Variants in AHNAK2 observed in about 807,000 individuals in gnomAD.
AHNAK2 encodes the protein AHNAK nucleoprotein 2, also known as protein AHNAK2.
AHNAK2 carries 18 observed loss-of-function variants against 30.7 expected under a neutral mutation model. That is an observed-to-expected ratio of 0.59 (90% CI 0.41 to 0.87). The LOEUF (loss-of-function observed/expected upper bound fraction) is 0.87. AHNAK2 is among the 40% of genes least tolerant of loss of function. AHNAK2 has a pLI of 0.00. For synonymous variants in AHNAK2, 3,590 were observed against 3,073.8 expected (o/e 1.17, Z -5.56); for missense variants, 8,604 against 7,373.0 (o/e 1.17, Z -6.11).
chr14:104,968,420 G>A (rs1010276513), intron 1 of AHNAK2, among the ~76,000 whole-genome samples: 5 of 152,166 alleles, frequency 3.3e-5, no homozygotes, highest in African/African-American at 4.8e-5. Context: ...GGGGCCGAGC[G>A]GGAGGGGAGA....
At position 104,961,841 on chromosome 14, in the gene AHNAK2, C is replaced by T. The variant is rs56745246; in HGVS notation, c.56-4169G>A. On this transcript the variant is annotated intron_variant, in intron 1 of 6. Transcript: ENST00000333244. ...TTTAAAAATTAGCCATGCATGGTGG[C>T]GCACATCTGTATTCCCAGCTACTCG... Among the ~76,000 whole-genome samples, 589 of 152,046 alleles carry T rather than the reference C, an allele frequency of 3.9e-3. 4 individuals are homozygous for T. Among genetic ancestry groups the T allele is most frequent in the African/African-American group, 0.013 (553 of 41,448 alleles).
intron 1 of AHNAK2, among the ~76,000 whole-genome samples, chr14:104,969,113 T>A (rs913458201): frequency 1.3e-5 from 2 of 152,228 alleles, no homozygotes; most frequent in Non-Finnish European, 2.9e-5. Flanking sequence ...TCTCTCGGGA[T>A]GAGCTCAGGC....
chr14:104,945,292 G>A lies in AHNAK2; in HGVS notation c.10159C>T (p.Leu3387Phe), dbSNP rs771093007. The stretch of plus-strand genomic sequence containing the variant: ...TCCACCTTGGGCAGGTGCCCTTTGA[G>A]GCCAGCTCCCTCGGGCACGTGGCCC... ...PEGHVPEGAG[L>F]KGHLPKVEMP... The change falls in exon 7 of 7, where the codon CTC becomes TTC. Residue 3387 changes from leucine to phenylalanine, a missense_variant. By Grantham distance (22) the Leu-to-Phe change is conservative (BLOSUM62 0). Transcript: ENST00000333244. The A allele has an allele frequency of 6.2e-7, 1 of 1,613,068 alleles. No homozygotes were observed. Among genetic ancestry groups the A allele is most frequent in the Non-Finnish European group, 8.5e-7 (1 of 1,179,610 alleles).
chr14:104,953,080 C>T lies in AHNAK2; in HGVS notation c.2371G>A (p.Asp791Asn), dbSNP rs758783815. The change falls in exon 7 of 7, where the codon GAT (aspartate) becomes AAT (asparagine). Residue 791 changes from aspartate to asparagine, a missense_variant. Physicochemically the swap from Asp to Asn is conservative, Grantham distance 23. Transcript: ENST00000333244. ...KGPKAEVTAP[D>N]VKMSLSSMEV... ...ATGCTGGACAGAGACATCTTCACAT[C>T]GGGGGCTGTCACTTCCGCCTTGGGG... 13 of 1,613,236 alleles carry T rather than the reference C, an allele frequency of 8.1e-6. No homozygotes were observed. The highest frequency in any genetic ancestry group is 4.4e-5 in the South Asian group (4 of 91,078).
At chr14:104,970,494 C>T (rs73357587) in intron 1 of AHNAK2, 62,027 of 985,022 alleles carry the variant, frequency 0.063, 4,277 homozygotes, top group East Asian at 0.53. Flanking sequence ...GGCCCAGAAG[C>T]GAAGATCCCA....
Position 104,940,801 on chromosome 14 carries a change from G to C in AHNAK2, c.14650C>G (p.Leu4884Val), listed in dbSNP as rs777114446. Residue 4884 changes from leucine to valine, a missense_variant, in exon 7 of 7, where the codon CTA becomes GTA. Transcript: ENST00000333244. This position sits in a 1 kb window ranked among gnomAD's most constrained non-coding sequence, Gnocchi z 4.4. ...ACTGGGGCACCCACTGCTGCATGTA[G>C]GTCTCCCTCAGGAACTGCCATTTGG... ...VPQMAVPEGD[L>V]HAAVGAPVMS... 1.2e-5 allele frequency: 19 copies of C among 1,612,986 alleles called. No individual in the cohort carries two copies. The highest frequency in any genetic ancestry group is 1.7e-5 in the Admixed American group (1 of 59,992).
rs377764513 is a variant in AHNAK2, at chr14:104,948,893, G to A, written c.6558C>T (p.Asp2186=). 2.5e-3 allele frequency: 4,004 copies of A among 1,595,502 alleles called. 53 individuals are homozygous for A. Among genetic ancestry groups the A allele is most frequent in the African/African-American group, 0.018 (1,343 of 73,004 alleles). The change falls in exon 7 of 7, where the codon GAC becomes GAT. Residue 2186 remains aspartate, a synonymous_variant. Coordinates refer to ENST00000333244, the MANE Select transcript of AHNAK2 (RefSeq NM_138420.4). ...CCCCCTGCATGGAGGGGAGACTCAT[G>A]TCGGCCTCCACCTTGGGTGGAGACA... The part of the protein sequence containing the change: ...VDVSPPKVEA[D]MSLPSMQGDL...
Position 104,942,047 on chromosome 14 carries a change from G to A in AHNAK2, c.13404C>T (p.Phe4468=), listed in dbSNP as rs1898015079. ...AKDSKFKMPK[F]KMPSFGMLSP... is the part of the protein sequence containing the mutation. ...ACAACATCCCAAAGGATGGCATCTT[G>A]AACTTGGGCATTTTGAACTTGCTGT... Residue 4468 remains phenylalanine, a synonymous_variant, in exon 7 of 7, where the codon TTC becomes TTT. Coordinates refer to ENST00000333244, the MANE Select transcript of AHNAK2 (RefSeq NM_138420.4). The A allele has an allele frequency of 1.2e-6, 2 of 1,611,924 alleles. No individual in the cohort carries two copies. Among genetic ancestry groups the A allele is most frequent in the South Asian group, 2.2e-5 (2 of 90,978 alleles).
intron 1 of AHNAK2, 58 bp from the exon 2 acceptor site, chr14:104,957,730 C>CG: frequency 1.3e-6 from 2 of 1,543,504 alleles, no homozygotes; most frequent in Non-Finnish European, 1.8e-6. Context: ...GATCGGGGCC[C>CG]GGGGGAGGGA....
intron 1 of AHNAK2, among the ~76,000 whole-genome samples, chr14:104,973,979 T>TCCCCATCCCCTGCCTCC (rs1408297212): frequency 7.2e-6 from 1 of 139,532 alleles, no homozygotes; most frequent in East Asian, 2.5e-4. Context: ...CCCCAGCCCC[T>TCCCCATCCCCTGCCTCC]CCCCATCCCC....
chr14:104,972,617 G>A (rs1005109338), intron 1 of AHNAK2, among the ~76,000 whole-genome samples: 1 of 152,188 alleles, frequency 6.6e-6, no homozygotes, highest in African/African-American at 2.4e-5. Context: ...CCAGACCCTC[G>A]CTGCAGTGCG....
chr14:104,940,870 A>G lies in AHNAK2; in HGVS notation c.14581T>C (p.Ser4861Pro). The change falls in exon 7 of 7, where the codon TCT becomes CCT. Residue 4861 changes from serine (S) to proline (P), a missense_variant. Physicochemically the swap from Ser to Pro is moderately conservative, Grantham distance 74. Coordinates refer to ENST00000333244, the MANE Select transcript of AHNAK2 (RefSeq NM_138420.4). This position sits in a 1 kb window ranked among gnomAD's most constrained non-coding sequence, Gnocchi z 4.4. ...TTTGGTTTATAGAATTTAGGAAAAG[A>G]TACCTGACCAAGAGAAACAGGAATC... is the stretch of plus-strand genomic sequence containing the variant. ...SMIPVSLGQV[S>P]FPKFYKPKFV... The G allele has an allele frequency of 6.2e-7, 1 of 1,612,988 alleles. No individual in the cohort carries two copies. The highest frequency in any genetic ancestry group is 8.5e-7 in the Non-Finnish European group (1 of 1,179,786).
Position 104,941,978 on chromosome 14 carries a change from T to C in AHNAK2, c.13473A>G (p.Pro4491=), listed in dbSNP as rs28600075. The C allele has an allele frequency of 0.54, 874,841 of 1,612,960 alleles. 240,113 individuals are homozygous for C. The highest frequency in any genetic ancestry group is 0.67 in the Middle Eastern group (4,057 of 6,058). ...SIEVSVDVSA[P]KMEADMSIPS... ...GAATGCTCATGTCGGCCTCCATCTT[T>C]GGCGCAGACACATCCACCGAGACCT... The change falls in exon 7 of 7, where the codon CCA becomes CCG. Residue 4491 remains proline (P), a synonymous_variant. Coordinates refer to ENST00000333244, the MANE Select transcript of AHNAK2 (RefSeq NM_138420.4).
chr14:104,939,323 C>A lies in AHNAK2; in HGVS notation c.16128G>T (p.Leu5376=). The change falls in exon 7 of 7, where the codon CTG becomes CTT. Residue 5376 remains leucine (L), a synonymous_variant. Transcript: ENST00000333244. The part of the protein sequence containing the change: ...SQISVVNVDQ[L]WEDSVLTVKF... ...TGACAGTTAGGACAGAATCTTCCCA[C>A]AGTTGATCCACATTAACCACAGAAA... is the stretch of plus-strand genomic sequence containing the variant. The A allele has an allele frequency of 6.2e-7, 1 of 1,613,760 alleles. No individual in the cohort carries two copies. Among genetic ancestry groups the A allele is most frequent in the South Asian group, 1.1e-5 (1 of 91,088 alleles).
intron 1 of AHNAK2, among the ~76,000 whole-genome samples, chr14:104,972,713 C>T (rs1306211701): frequency 2.6e-5 from 4 of 152,208 alleles, no homozygotes; most frequent in Admixed American, 2.0e-4. Flanking sequence ...CATGGGAACG[C>T]ACCACACCCT....
rs766163519 is a variant in AHNAK2 at position 104,943,291 on chromosome 14, C to A, written c.12160G>T (p.Val4054Leu). The change falls in exon 7 of 7, where the codon GTG (valine) becomes TTG (leucine). Residue 4054 changes from valine (V) to leucine (L), a missense_variant. Coordinates refer to ENST00000333244, the MANE Select transcript of AHNAK2 (RefSeq NM_138420.4). ...GGCATCTTGAAACTGGGCATCTGCA[C>A]CTTGGGCAGGTGCCCTTTGAGGCTG... ...GASLKGHLPK[V>L]QMPSFKMPKV... is the part of the protein sequence containing the mutation. 7 of 1,612,734 alleles carry A rather than the reference C, an allele frequency of 4.3e-6. No homozygotes were observed. The highest frequency in any genetic ancestry group is 2.7e-5 in the African/African-American group (2 of 74,608).
In AHNAK2 at chr14:104,953,207, C is replaced by G. The variant is rs1352385027; in HGVS notation, c.2244G>C (p.Leu748=). The change falls in exon 7 of 7, where the codon CTG becomes CTC. Residue 748 remains leucine, a synonymous_variant. Transcript: ENST00000333244. ...QVDVKLPEGP[L]PEGASLKGHL... ...GCCCTTTGAGGCTGGCTCCCTCGGG[C>G]AGGGGGCCCTCCGGAAGTTTCACAT... The G allele has an allele frequency of 4.3e-6, 7 of 1,613,038 alleles. No individual in the cohort carries two copies.
Position 104,953,839 on chromosome 14 carries a change from T to A in AHNAK2, c.1612A>T (p.Met538Leu), listed in dbSNP as rs1898881452. 9 of 1,613,974 alleles carry A rather than the reference T, an allele frequency of 5.6e-6. No individual in the cohort carries two copies. Among genetic ancestry groups the A allele is most frequent in the Non-Finnish European group, 7.6e-6 (9 of 1,179,886 alleles). ...TGTGTGGTTGGTTCCCTGCCCGGCA[T>A]CCACCCGGCTCCTTCCACCTCCTCA... is the stretch of plus-strand genomic sequence containing the variant. ...KGEEVEGAGW[M>L]PGREPTTHAE... is the part of the protein sequence containing the mutation. The change falls in exon 7 of 7, where the codon ATG (methionine) becomes TTG (leucine). Residue 538 changes from methionine to leucine, a missense_variant. Met to Leu is a conservative substitution (Grantham distance 15). Coordinates refer to ENST00000333244, the MANE Select transcript of AHNAK2 (RefSeq NM_138420.4).
rs374657511 is a variant in AHNAK2 at position 104,946,158 on chromosome 14, G to A, written c.9293C>T (p.Thr3098Met). 64 of 1,611,858 alleles carry A rather than the reference G, an allele frequency of 4.0e-5. No individual in the cohort carries two copies. In the South Asian group the frequency reaches 4.8e-4, roughly 12 times the overall value. The change falls in exon 7 of 7, where the codon ACG becomes ATG. Residue 3098 changes from threonine to methionine, a missense_variant. Physicochemically the swap from Thr to Met is moderately conservative, Grantham distance 81 (BLOSUM62 -1). Transcript: ENST00000333244. ...CTGAGACACCTCCACGTCGGGGGCC[G>A]TCACGTCCGTCTTCGGGCCTTTCAG... is the stretch of plus-strand genomic sequence containing the variant. ...LDLKGPKTDVTAPDVEVSQPG... is the reference protein window; with the variant it reads ...LDLKGPKTDVMAPDVEVSQPG...
Sources: allele counts gnomAD v4.1 joint callset (sites outside exome capture counted in the v4.1 genomes callset), GRCh38; gene constraint gnomAD v4.1.1; non-coding constraint Gnocchi (gnomAD v3.1); transcripts MANE v1.5; gene names NCBI Gene and HGNC (gene_info 2026-07-23, HGNC 2026-07-21).